TRIM14: variants seen among roughly 807,000 people sequenced by gnomAD.
TRIM14 encodes tripartite motif containing 14.
TRIM14 carries 28 observed loss-of-function variants against 44.5 expected under a neutral mutation model. The observed-to-expected ratio is 0.63, with a 90% CI of 0.47 to 0.86. The LOEUF (loss-of-function observed/expected upper bound fraction) is 0.86. Ranked by LOEUF, TRIM14 falls within the 40% of genes least tolerant of loss-of-function variation. The pLI, the probability that TRIM14 is intolerant of heterozygous loss-of-function variation, is 0.00. For synonymous variants in TRIM14, 299 were observed against 269.2 expected (o/e 1.11, Z -1.08); for missense variants, 607 against 611.1 (o/e 0.99, Z 0.07).
chr9:98,078,090 T>G, intron 6 of TRIM14: 3 of 1,521,492 alleles, frequency 2.0e-6, no homozygotes, highest in Non-Finnish European at 2.7e-6. Flanking sequence ...AAGAGATGTC[T>G]GTGGAGTTCA....
the TRIM14 span, among the ~76,000 whole-genome samples, chr9:98,047,573 C>T: frequency 1.3e-5 from 2 of 152,070 alleles, no homozygotes; most frequent in African/African-American, 2.4e-5. Flanking sequence ...AAATCTAAGG[C>T]TCTGTTCTTT....
At chr9:98,039,182 A>G in the TRIM14 span, among the ~76,000 whole-genome samples, 2 of 151,984 alleles carry the variant, frequency 1.3e-5, no homozygotes, top group Non-Finnish European at 2.9e-5. Flanking sequence ...ACAGACTCTC[A>G]CTCCATTGCC....
At chr9:98,078,835 G>GT (rs1564164995) in intron 6 of TRIM14, among the ~76,000 whole-genome samples, 3 of 79,360 alleles carry the variant, frequency 3.8e-5, no homozygotes, top group South Asian at 4.6e-4. Flanking sequence ...ACTCTCAGGG[G>GT]GAAAAAAAAA....
chr9:98,074,501 T>TCTTC (rs1274681603), intron 6 of TRIM14: 12 of 152,190 alleles, frequency 7.9e-5, no homozygotes, highest in African/African-American at 2.9e-4. Context: ...AAAGTTAGGA[T>TCTTC]CTTCCAGATT....
chr9:98,062,562 C>T, the TRIM14 span, among the ~76,000 whole-genome samples: 371 of 152,188 alleles, frequency 2.4e-3, 1 homozygote, highest in Non-Finnish European at 4.2e-3. Context: ...TTATATATTT[C>T]CTCCTGAAGT....
chr9:98,099,448 A>G (rs1051483496), intron 3 of TRIM14, among the ~76,000 whole-genome samples: 2 of 143,368 alleles, frequency 1.4e-5, no homozygotes, highest in Non-Finnish European at 3.0e-5. Context: ...GAGAAACTCC[A>G]TCTCAAAAAA....
chr9:98,113,792 T>C (rs1320979465), intron 1 of TRIM14, among the ~76,000 whole-genome samples: 1 of 152,264 alleles, frequency 6.6e-6, no homozygotes, highest in East Asian at 1.9e-4. Context: ...CTGTCTTTAT[T>C]AGGTCTCTTG....
chr9:98,073,271 C>CCTTT, intron 6 of TRIM14, among the ~76,000 whole-genome samples: 2 of 57,826 alleles, frequency 3.5e-5, no homozygotes, highest in Non-Finnish European at 5.9e-5. Context: ...TCACCATGGG[C>CCTTT]TTTTTTTTTT....
At chr9:98,089,061 C>T (rs868721277) in intron 5 of TRIM14, among the ~76,000 whole-genome samples, 1 of 152,210 alleles carries the variant, frequency 6.6e-6, no homozygotes, top group South Asian at 2.1e-4. Flanking sequence ...TAACTGTAAA[C>T]GTGTAACAGA....
rs1825725744 is a variant in TRIM14, at chr9:98,085,082, T to A, written c.*2388A>T. 6.6e-6 allele frequency: 1 copy of A among 152,158 alleles called. No homozygotes were observed. Among genetic ancestry groups the A allele is most frequent in the Admixed American group, 6.5e-5 (1 of 15,270 alleles). The allele number at this position is 152,158 out of a possible 1,614,324, so 9.4% of individuals were successfully genotyped here. On this transcript the variant is annotated 3_prime_UTR_variant, in exon 6 of 6. Coordinates refer to ENST00000341469, the MANE Select transcript of TRIM14 (RefSeq NM_014788.4). ...TGTCTCTGCTACATGAATCCCAAAT[T>A]TTTGAATCAAGTTCCCCTCTGGGCC... is the stretch of plus-strand genomic sequence containing the variant.
At chr9:98,062,855 C>T in the TRIM14 span, among the ~76,000 whole-genome samples, 46 of 132,986 alleles carry the variant, frequency 3.5e-4, no homozygotes, top group African/African-American at 1.1e-3. Context: ...TGTGTTCTTT[C>T]TTACAGCTGC....
intron 3 of TRIM14, among the ~76,000 whole-genome samples, chr9:98,096,389 A>T (rs1284695664): frequency 6.6e-6 from 1 of 152,176 alleles, no homozygotes; most frequent in Admixed American, 6.5e-5. Context: ...GGCAGGGAGC[A>T]GCTCCGGGGA....
chr9:98,086,869 G>C lies in TRIM14; in HGVS notation c.*601C>G, dbSNP rs1159037057. The C allele has an allele frequency of 6.5e-6, 1 of 154,624 alleles. No homozygotes were observed. Among genetic ancestry groups the C allele is most frequent in the Non-Finnish European group, 1.4e-5 (1 of 69,862 alleles). The allele number at this position is 154,624 out of a possible 1,614,324, so 9.6% of individuals were successfully genotyped here. A position where few individuals can be genotyped will look rare whatever the true frequency, so the allele number is the denominator to read the frequency against. On this transcript the variant is annotated 3_prime_UTR_variant, in exon 6 of 6. Transcript: ENST00000341469. ...CTGGAAGCCTTTTCATAGCTGAGGG[G>C]TTAAGTGAAGTTTTAGGAAGATCAC...
At chr9:98,118,281 T>C (rs1759787197) in intron 1 of TRIM14, among the ~76,000 whole-genome samples, 1 of 152,072 alleles carries the variant, frequency 6.6e-6, no homozygotes, top group Non-Finnish European at 1.5e-5. Context: ...GGATTATGCA[T>C]GGGTAAGGGT....
intron 3 of TRIM14, among the ~76,000 whole-genome samples, chr9:98,099,452 CAAA>C (rs768209860): frequency 1.4e-4 from 5 of 36,830 alleles, no homozygotes; most frequent in Non-Finnish European, 1.7e-4. Flanking sequence ...AACTCCATCT[CAAA>C]AAAAAAAAAA....
chr9:98,060,182 T>C, the TRIM14 span, among the ~76,000 whole-genome samples: 39 of 151,992 alleles, frequency 2.6e-4, no homozygotes, highest in African/African-American at 8.2e-4. Flanking sequence ...TTTGATCCAA[T>C]GTTTTTAATA....
chr9:98,062,464 A>C, the TRIM14 span, among the ~76,000 whole-genome samples: 1 of 152,144 alleles, frequency 6.6e-6, no homozygotes, highest in Non-Finnish European at 1.5e-5. Flanking sequence ...TGTAAAAAAA[A>C]TTTTACTTGT....
Position 98,087,237 on chromosome 9 carries a change from G to C in TRIM14, c.*233C>G. ...AGTAGTGTAAGTGATGGTGGGGTGA[G>C]GGTGCGGAGGTCTGATGAGAGGGCA... On this transcript the variant is annotated 3_prime_UTR_variant, in exon 6 of 6. Coordinates refer to ENST00000341469, the MANE Select transcript of TRIM14 (RefSeq NM_014788.4). The C allele has an allele frequency of 1.3e-6, 1 of 783,630 alleles. No individual in the cohort carries two copies. The highest frequency in any genetic ancestry group is 2.4e-6 in the Non-Finnish European group (1 of 423,090). 48.5% of individuals were successfully genotyped at this position (783,630 alleles called of 1,614,324 possible).
chr9:98,082,971 CAAG>C (rs1234139229), downstream of TRIM14: 8 of 1,614,094 alleles, frequency 5.0e-6, no homozygotes, highest in Non-Finnish European at 6.8e-6. Flanking sequence ...ATCTAGTGGG[CAAG>C]AAGGTCCTGG....
Sources: allele counts gnomAD v4.1 joint callset (sites outside exome capture counted in the v4.1 genomes callset), GRCh38; gene constraint gnomAD v4.1.1; transcripts MANE v1.5; gene names NCBI Gene and HGNC (gene_info 2026-07-23, HGNC 2026-07-21).